Variants in P2RY12 observed in about 807,000 individuals in gnomAD.
P2RY12 encodes purinergic receptor P2Y12.
A neutral mutation model predicts 4.5 loss-of-function variants in P2RY12; 3 were observed. The ratio of observed to expected loss-of-function variants is 0.67; its 90% confidence interval spans 0.31 to 1.74. P2RY12 has a LOEUF of 1.74. Ranked by LOEUF, P2RY12 falls within the 40% of genes most tolerant of loss-of-function variation. P2RY12 has a pLI of 0.09. For missense variants in P2RY12, 356 were observed against 407.8 expected (o/e 0.87, Z 1.09); for synonymous variants, 148 against 154.1 (o/e 0.96, Z 0.29).
chr3:151,382,811 T>C, intron 1 of P2RY12: 1 of 1,293,318 alleles, frequency 7.7e-7, no homozygotes, highest in Non-Finnish European at 1.1e-6. Context: ...CCTCCAGCTT[T>C]CCACTTCTCC....
rs1384573742 is a variant in P2RY12 at position 151,356,146 on chromosome 3, T to TC, written c.-179-15387dup. 8.1e-6 allele frequency: 10 copies of TC among 1,232,590 alleles called. No homozygotes were observed. The African/African-American group carries it at 1.5e-4, about 19-fold the overall frequency. The allele number at this position is 1,232,590 out of a possible 1,614,324, so 76.4% of individuals were successfully genotyped here. On this transcript the variant is annotated intron_variant, in intron 1 of 2. Transcript: ENST00000302632. ...TGGGCACAGTGGCTTGTGCTTGTAA[T>TC]CCTGGCACTTTGGGAGGCCGAGGTA...
At chr3:151,348,340 C>CAAAAAAAAAAAAAAAAAA (rs11382065) in intron 1 of P2RY12, among the ~76,000 whole-genome samples, 4 of 87,816 alleles carry the variant, frequency 4.6e-5, no homozygotes, top group African/African-American at 1.3e-4. Context: ...ACCACCAGAC[C>CAAAAAAAAAAAAAAAAAA]AAAAAAAAAA....
chr3:151,383,875 A>T (rs777939289), intron 1 of P2RY12: 4 of 1,613,152 alleles, frequency 2.5e-6, no homozygotes, highest in South Asian at 1.1e-5. Context: ...AACTGTTGAC[A>T]TGCACACTAA....
intron 1 of P2RY12, among the ~76,000 whole-genome samples, chr3:151,367,017 T>C (rs1028101075): frequency 6.6e-6 from 1 of 152,192 alleles, no homozygotes; most frequent in Non-Finnish European, 1.5e-5. Context: ...AGTATGAAGA[T>C]TGCTATTGTA....
chr3:151,346,513 C>A (rs1297190291), intron 1 of P2RY12, among the ~76,000 whole-genome samples: 1 of 152,132 alleles, frequency 6.6e-6, no homozygotes, highest in Non-Finnish European at 1.5e-5. Flanking sequence ...ACTTCTTCTC[C>A]TTTGAGGTTC....
chr3:151,368,679 C>T (rs1341001673), intron 1 of P2RY12, among the ~76,000 whole-genome samples: 289 of 41,730 alleles, frequency 6.9e-3, no homozygotes, highest in Non-Finnish European at 9.2e-3. Context: ...CATTTCATGT[C>T]ATTTCATTTT....
intron 1 of P2RY12, among the ~76,000 whole-genome samples, chr3:151,381,936 C>T (rs1475444083): frequency 2.6e-5 from 4 of 152,164 alleles, no homozygotes; most frequent in African/African-American, 9.7e-5. Context: ...TCATTAATGA[C>T]CATATTTCAG....
chr3:151,337,079 G>C lies in P2RY12; in HGVS notation c.*738C>G, dbSNP rs1751100225. 1 of 151,802 alleles carries C rather than the reference G, an allele frequency of 6.6e-6. No individual in the cohort carries two copies. Among genetic ancestry groups the C allele is most frequent in the Non-Finnish European group, 1.5e-5 (1 of 67,964 alleles). 9.4% of individuals were successfully genotyped at this position (151,802 alleles called of 1,614,324 possible). A position where few individuals can be genotyped will look rare whatever the true frequency, so the allele number is the denominator to read the frequency against. On this transcript the variant is annotated 3_prime_UTR_variant, in exon 3 of 3. Coordinates refer to ENST00000302632, the MANE Select transcript of P2RY12 (RefSeq NM_022788.5). ...GTATTATTGAAGTTGTAAAAAATTAGTAAAACTAGTTTCTCTAGAATTAAG... is the reference window on the plus strand; with the variant it reads ...GTATTATTGAAGTTGTAAAAAATTACTAAAACTAGTTTCTCTAGAATTAAG...
At chr3:151,368,669 CATTTCATGTCATTTCATTTT>C (rs1324178199) in intron 1 of P2RY12, among the ~76,000 whole-genome samples, 1,442 of 58,454 alleles carry the variant, frequency 0.025, 71 homozygotes, top group African/African-American at 0.085. Flanking sequence ...CATTTCATTT[CATTTCATGTCATTTCATTTT>C]ATTTCATTTC....
Position 151,369,369 on chromosome 3 carries a change from C to A in P2RY12, c.-180+15323G>T, listed in dbSNP as rs988009831. Reference sequence around the variant, plus strand: ...AGTCTAACAATGAAAGGCTGACTGCCTGTAAATAATTACAAAACATTACTA... The same window carrying A: ...AGTCTAACAATGAAAGGCTGACTGCATGTAAATAATTACAAAACATTACTA... On this transcript the variant is annotated intron_variant, in intron 1 of 2. Transcript: ENST00000302632. 4 of 1,112,500 alleles carry A rather than the reference C, an allele frequency of 3.6e-6. No individual in the cohort carries two copies. In the African/African-American group the frequency reaches 4.7e-5, roughly 13 times the overall value. 68.9% of individuals were successfully genotyped at this position (1,112,500 alleles called of 1,614,324 possible).
At chr3:151,344,633 T>C (rs192612834) in intron 1 of P2RY12, among the ~76,000 whole-genome samples, 1 of 152,286 alleles carries the variant, frequency 6.6e-6, no homozygotes, top group East Asian at 1.9e-4. Flanking sequence ...GCATTTGAAG[T>C]AGAGCATGCA....
chr3:151,344,305 T>TAAA (rs60921069), intron 1 of P2RY12, among the ~76,000 whole-genome samples: 32 of 150,952 alleles, frequency 2.1e-4, no homozygotes, highest in South Asian at 1.0e-3. Flanking sequence ...TACTAATGAT[T>TAAA]AAAAAAAAAC....
At chr3:151,345,719 T>G (rs1752458424) in intron 1 of P2RY12, among the ~76,000 whole-genome samples, 1 of 152,038 alleles carries the variant, frequency 6.6e-6, no homozygotes. Flanking sequence ...AGTTTTCCCA[T>G]GTTGGCCAGG....
chr3:151,377,905 A>G (rs1711524560), intron 1 of P2RY12: 2 of 1,083,362 alleles, frequency 1.8e-6, no homozygotes, highest in Admixed American at 5.6e-5. Context: ...ATTTTAGAAC[A>G]GTCTGTGTGT....
At chr3:151,361,351 G>T (rs530148022) in intron 1 of P2RY12, among the ~76,000 whole-genome samples, 1 of 152,106 alleles carries the variant, frequency 6.6e-6, no homozygotes, top group Admixed American at 6.5e-5. Context: ...TGCATTAAAA[G>T]TAGGAAACCT....
Position 151,340,668 on chromosome 3 carries a change from T to A in P2RY12, c.-87A>T, listed in dbSNP as rs1165592968. The A allele has an allele frequency of 6.6e-6, 1 of 152,620 alleles. No homozygotes were observed. Among genetic ancestry groups the A allele is most frequent in the African/African-American group, 2.4e-5 (1 of 41,460 alleles). 9.5% of individuals were successfully genotyped at this position (152,620 alleles called of 1,614,324 possible). ...AGTTATTGCAACCTGCAGAGTGGCA[T>A]CTGGTATTTTCCTTTTAATGTCTTA... On this transcript the variant is annotated 5_prime_UTR_variant, in exon 2 of 3. An upstream start codon of the reference 5' UTR is lost. Coordinates refer to ENST00000302632, the MANE Select transcript of P2RY12 (RefSeq NM_022788.5).
At chr3:151,362,804 G>T (rs1039354716) in intron 1 of P2RY12, among the ~76,000 whole-genome samples, 1 of 152,120 alleles carries the variant, frequency 6.6e-6, no homozygotes, top group Non-Finnish European at 1.5e-5. Context: ...AAATGGGTTA[G>T]GTTTCAAAAT....
chr3:151,356,605 GTT>G (rs946373044), intron 1 of P2RY12, among the ~76,000 whole-genome samples: 1 of 151,742 alleles, frequency 6.6e-6, no homozygotes, highest in Non-Finnish European at 1.5e-5. Context: ...AAATGTGAGA[GTT>G]TTGAGTGTTT....
chr3:151,376,714 T>C (rs1386930914), intron 1 of P2RY12: 2 of 1,113,334 alleles, frequency 1.8e-6, no homozygotes, highest in Non-Finnish European at 2.7e-6. Flanking sequence ...TTCTGCTCTT[T>C]CTTGAGAGAA....
Sources: allele counts gnomAD v4.1 joint callset (sites outside exome capture counted in the v4.1 genomes callset), GRCh38; gene constraint gnomAD v4.1.1; transcripts MANE v1.5; gene names NCBI Gene and HGNC (gene_info 2026-07-23, HGNC 2026-07-21).